Variants in ZNF565 observed in about 807,000 individuals in gnomAD.
The protein encoded by ZNF565 is zinc finger protein 565.
Under a neutral mutation model 39.4 loss-of-function variants are expected in ZNF565, and 27 were observed. The ratio of observed to expected loss-of-function variants is 0.69; its 90% CI spans 0.51 to 0.95. The LOEUF (loss-of-function observed/expected upper bound fraction) is 0.95. Ranked by LOEUF, ZNF565 falls within the 40% of genes least tolerant of loss-of-function variation. The probability of loss-of-function intolerance (pLI) is 0.00; values close to 1 mark genes in which losing one functional copy is unlikely to be tolerated. For synonymous variants in ZNF565, 185 were observed against 216.6 expected, an observed-to-expected ratio of 0.85 and a Z score of 1.28; for missense variants, 524 against 621.1, an observed-to-expected ratio of 0.84 and a Z score of 1.66.
At chr19:36,234,860 A>G (rs1355421852) in intron 1 of ZNF565, among the ~76,000 whole-genome samples, 1 of 152,158 alleles carries the variant, frequency 6.6e-6, no homozygotes, top group African/African-American at 2.4e-5. Context: ...TCCATTTCAT[A>G]TGAAGGTGTG....
chr19:36,218,395 C>T (rs1215483094), upstream of ZNF565, among the ~76,000 whole-genome samples: 1 of 152,002 alleles, frequency 6.6e-6, no homozygotes, highest in African/African-American at 2.4e-5. Flanking sequence ...AATGCTTCCT[C>T]AGAAAATATT....
chr19:36,201,271 C>T (rs1975955114), intron 2 of ZNF565, among the ~76,000 whole-genome samples: 1 of 152,106 alleles, frequency 6.6e-6, no homozygotes, highest in Non-Finnish European at 1.5e-5. Context: ...CACTGTGCTC[C>T]AGTCTGGGTG....
At chr19:36,243,568 T>C (rs1203160447) in intron 1 of ZNF565, among the ~76,000 whole-genome samples, 3 of 152,222 alleles carry the variant, frequency 2.0e-5, no homozygotes, top group Non-Finnish European at 2.9e-5. Context: ...TTTCCTCCTT[T>C]ATCTTTTGGC....
intron 1 of ZNF565, among the ~76,000 whole-genome samples, chr19:36,229,151 A>G (rs1296228316): frequency 1.3e-5 from 2 of 152,114 alleles, no homozygotes; most frequent in East Asian, 3.9e-4. Context: ...GTAAAACCTT[A>G]CATATTGTCT....
intron 1 of ZNF565, chr19:36,236,655 T>C: frequency 6.2e-7 from 1 of 1,614,118 alleles, no homozygotes; most frequent in Non-Finnish European, 8.5e-7. Flanking sequence ...GAGAAGCTTT[T>C]CGAATGTAAT....
intron 1 of ZNF565, among the ~76,000 whole-genome samples, chr19:36,244,832 A>T (rs2029881248): frequency 1.4e-5 from 2 of 146,180 alleles, no homozygotes; most frequent in South Asian, 4.5e-4. Context: ...GCCTGGCGAC[A>T]GAGCAAGACT....
upstream of ZNF565, among the ~76,000 whole-genome samples, chr19:36,215,464 C>A (rs1976560624): frequency 6.6e-6 from 1 of 152,060 alleles, no homozygotes; most frequent in Non-Finnish European, 1.5e-5. Flanking sequence ...TGTAGGAGAC[C>A]AGCATTGAGG....
intron 3 of ZNF565, 161 bp from the exon 4 acceptor site, chr19:36,194,489 C>A: frequency 1.8e-6 from 1 of 545,032 alleles, no homozygotes; most frequent in Non-Finnish European, 3.2e-6. Flanking sequence ...TCTAGTTCCA[C>A]AAAGCACAAA....
At chr19:36,202,849 G>A (rs1424657792) in intron 1 of ZNF565, among the ~76,000 whole-genome samples, 1 of 152,142 alleles carries the variant, frequency 6.6e-6, no homozygotes, top group African/African-American at 2.4e-5. Flanking sequence ...GCATACCATA[G>A]GCTCTGTCAA....
chr19:36,237,429 T>C (rs1195686139), intron 1 of ZNF565: 3 of 1,354,140 alleles, frequency 2.2e-6, no homozygotes, highest in African/African-American at 3.0e-5. Context: ...AGGTTAACTT[T>C]AACAAGTACT....
intron 1 of ZNF565, among the ~76,000 whole-genome samples, chr19:36,233,945 T>C (rs1198789073): frequency 6.8e-6 from 1 of 147,256 alleles, no homozygotes; most frequent in Non-Finnish European, 1.5e-5. Flanking sequence ...GTCAGGTCTT[T>C]CCCTTCCCGC....
intron 1 of ZNF565, among the ~76,000 whole-genome samples, chr19:36,222,192 G>A (rs1286979989): frequency 1.3e-5 from 2 of 151,958 alleles, no homozygotes; most frequent in East Asian, 1.9e-4. Flanking sequence ...CCAAAGTGTT[G>A]GGATTACAAG....
At chr19:36,227,455 G>A (rs1977124108) in intron 1 of ZNF565, among the ~76,000 whole-genome samples, 1 of 149,970 alleles carries the variant, frequency 6.7e-6, no homozygotes, top group South Asian at 2.1e-4. Flanking sequence ...GCATGATCAT[G>A]TATTTGCAGC....
chr19:36,208,048 A>AC (rs1976219874), intron 1 of ZNF565, among the ~76,000 whole-genome samples: 1 of 152,096 alleles, frequency 6.6e-6, no homozygotes, highest in African/African-American at 2.4e-5. Flanking sequence ...AAAAATTCAG[A>AC]CTCAGACGCT....
Position 36,245,849 on chromosome 19 carries a change from G to C in ZNF565, c.-319C>G, listed in dbSNP as rs570083523. 1.5e-4 allele frequency: 49 copies of C among 329,516 alleles called. No individual in the cohort carries two copies. The highest frequency in any genetic ancestry group is 6.0e-4 in the African/African-American group (28 of 46,534). The allele number at this position is 329,516 out of a possible 1,614,324, so 20.4% of individuals were successfully genotyped here. ...CGGGCCTCGGGCTACTGGATCCGCT[G>C]TCTCGGTTTGGGTGCGGGGCCTTGG... On this transcript the variant is annotated 5_prime_UTR_variant, in exon 1 of 5. Coordinates refer to the ZNF565 transcript ENST00000355114. The surrounding 1 kb of genome is among the most constrained non-coding windows in gnomAD (Gnocchi z 4.4).
At chr19:36,209,701 T>C in intron 1 of ZNF565, among the ~76,000 whole-genome samples, 1 of 152,002 alleles carries the variant, frequency 6.6e-6, no homozygotes, top group Non-Finnish European at 1.5e-5. Flanking sequence ...CAGTAATAAA[T>C]GAACAATCTA....
At chr19:36,236,158 C>T in intron 1 of ZNF565, 1 of 344,588 alleles carries the variant, frequency 2.9e-6, no homozygotes, top group Non-Finnish European at 5.2e-6. Context: ...AGATGACAAT[C>T]TCATTGAGAA....
intron 4 of ZNF565, among the ~76,000 whole-genome samples, chr19:36,184,097 A>AC (rs1345621743): frequency 3.3e-5 from 5 of 149,642 alleles, no homozygotes; most frequent in South Asian, 2.1e-4. Context: ...AAAAAAAAAA[A>AC]AAAAAACTAT....
At chr19:36,202,073 G>T in intron 1 of ZNF565, 23 bp from the exon 2 acceptor site, 1 of 1,395,490 alleles carries the variant, frequency 7.2e-7, no homozygotes. Flanking sequence ...AATGGGGGGA[G>T]ATGGGGTAAC....
Sources: allele counts gnomAD v4.1 joint callset (sites outside exome capture counted in the v4.1 genomes callset), GRCh38; gene constraint gnomAD v4.1.1; non-coding constraint Gnocchi (gnomAD v3.1); transcripts MANE v1.5; gene names NCBI Gene and HGNC (gene_info 2026-07-23, HGNC 2026-07-21).